Variants in LMNTD1 observed in about 807,000 individuals in gnomAD.
The protein encoded by LMNTD1 is lamin tail domain-containing protein 1.
In LMNTD1, 35 loss-of-function variants were observed where a neutral mutation model predicts 50.9. The ratio of observed to expected loss-of-function variants is 0.69; its 90% CI spans 0.53 to 0.91. The LOEUF is 0.91. Ranked by LOEUF, LMNTD1 falls within the 40% of genes least tolerant of loss-of-function variation. The pLI is 0.00. For synonymous variants in LMNTD1, 153 were observed against 161.9 expected (o/e 0.94, Z 0.42); for missense variants, 470 against 475.5 (o/e 0.99, Z 0.11).
intron 7 of LMNTD1, among the ~76,000 whole-genome samples, chr12:25,519,587 C>CAAAAAAAAAAA (rs58304861): frequency 0.044 from 4,092 of 93,710 alleles, 263 homozygotes; most frequent in East Asian, 0.075. Context: ...GACTCTGTCT[C>CAAAAAAAAAAA]AAAAAAAAAA....
chr12:25,592,205 G>A (rs1256693363), intron 1 of LMNTD1, among the ~76,000 whole-genome samples: 2 of 152,168 alleles, frequency 1.3e-5, no homozygotes, highest in Non-Finnish European at 2.9e-5. Flanking sequence ...GAGGATCATG[G>A]TGGACAGGAG....
intron 1 of LMNTD1, among the ~76,000 whole-genome samples, chr12:25,604,647 C>T (rs1946055649): frequency 2.6e-5 from 4 of 152,222 alleles, no homozygotes; most frequent in East Asian, 3.9e-4. Flanking sequence ...TGGTTTCCAG[C>T]TTCATCCATG....
chr12:25,525,438 T>G (rs1054818573), intron 6 of LMNTD1, among the ~76,000 whole-genome samples: 3 of 152,138 alleles, frequency 2.0e-5, no homozygotes, highest in Non-Finnish European at 2.9e-5. Context: ...TCAATAAATA[T>G]TTGAGAAATG....
At chr12:25,525,889 C>A (rs1346866908) in intron 6 of LMNTD1, among the ~76,000 whole-genome samples, 2 of 151,954 alleles carry the variant, frequency 1.3e-5, no homozygotes, top group African/African-American at 4.8e-5. Flanking sequence ...AACCAAACAC[C>A]ACATGCTCCC....
intron 1 of LMNTD1, among the ~76,000 whole-genome samples, chr12:25,570,878 G>T (rs1057131408): frequency 1.3e-5 from 2 of 152,196 alleles, no homozygotes; most frequent in African/African-American, 4.8e-5. Flanking sequence ...TTATGGGAAA[G>T]GTCCTCTTTG....
intron 1 of LMNTD1, among the ~76,000 whole-genome samples, chr12:25,589,946 G>A (rs1156578006): frequency 6.6e-6 from 1 of 152,108 alleles, no homozygotes; most frequent in Non-Finnish European, 1.5e-5. Context: ...CAGGGAGTTG[G>A]CACATTTGTG....
intron 4 of LMNTD1, among the ~76,000 whole-genome samples, chr12:25,545,140 T>G (rs757508730): frequency 9.9e-5 from 15 of 151,894 alleles, no homozygotes; most frequent in Admixed American, 5.9e-4. Flanking sequence ...TAGCATTTCT[T>G]ATAAGATAGG....
At chr12:25,574,523 G>A (rs1944921947) in intron 1 of LMNTD1, among the ~76,000 whole-genome samples, 1 of 152,122 alleles carries the variant, frequency 6.6e-6, no homozygotes, top group African/African-American at 2.4e-5. Flanking sequence ...TAAGGCACTT[G>A]AAATATAATT....
intron 9 of LMNTD1, among the ~76,000 whole-genome samples, chr12:25,476,726 T>C (rs757604171): frequency 1.3e-5 from 2 of 152,190 alleles, no homozygotes; most frequent in Non-Finnish European, 2.9e-5. Flanking sequence ...AGTTTTGACC[T>C]TGACTTCTAG....
At chr12:25,577,091 G>A (rs1592056585) in intron 1 of LMNTD1, among the ~76,000 whole-genome samples, 2 of 152,168 alleles carry the variant, frequency 1.3e-5, no homozygotes. Flanking sequence ...TTTGGTTACT[G>A]TAGCCTTGTA....
exon 1 of LMNTD1, chr12:25,648,539 C>T: frequency 6.4e-7 from 1 of 1,551,690 alleles, no homozygotes; most frequent in Non-Finnish European, 8.7e-7. Flanking sequence ...CCTGCTCTCA[C>T]TGGCTGTTGC....
intron 1 of LMNTD1, among the ~76,000 whole-genome samples, chr12:25,583,453 C>G (rs1945393709): frequency 6.6e-6 from 1 of 152,114 alleles, no homozygotes; most frequent in Non-Finnish European, 1.5e-5. Flanking sequence ...TACCAGGCAA[C>G]CACACCTGGC....
chr12:25,481,407 T>C (rs1171856627), intron 9 of LMNTD1, among the ~76,000 whole-genome samples: 1 of 152,064 alleles, frequency 6.6e-6, no homozygotes, highest in Non-Finnish European at 1.5e-5. Context: ...ACAGAGAACA[T>C]AGCAGGCAAG....
intron 4 of LMNTD1, among the ~76,000 whole-genome samples, chr12:25,543,409 C>G (rs1349570904): frequency 6.6e-6 from 1 of 151,880 alleles, no homozygotes; most frequent in South Asian, 2.1e-4. Context: ...TATAGTAAAA[C>G]ATAAACATTA....
At chr12:25,581,639 A>G (rs746562602) in intron 1 of LMNTD1, among the ~76,000 whole-genome samples, 1 of 152,254 alleles carries the variant, frequency 6.6e-6, no homozygotes, top group Non-Finnish European at 1.5e-5. Context: ...GAAAATATAC[A>G]GTTGTGTGTT....
intron 9 of LMNTD1, among the ~76,000 whole-genome samples, chr12:25,478,473 A>T (rs1938342569): frequency 6.6e-6 from 1 of 152,226 alleles, no homozygotes; most frequent in Non-Finnish European, 1.5e-5. Context: ...TTTTCTTAGT[A>T]CAAGTGTATA....
At chr12:25,606,451 T>C (rs1946105758) in intron 1 of LMNTD1, among the ~76,000 whole-genome samples, 1 of 152,228 alleles carries the variant, frequency 6.6e-6, no homozygotes, top group Non-Finnish European at 1.5e-5. Context: ...CCATTCAGTA[T>C]GATATTGGCT....
chr12:25,637,403 C>A (rs1184292537), intron 1 of LMNTD1, among the ~76,000 whole-genome samples: 2 of 151,808 alleles, frequency 1.3e-5, no homozygotes, highest in African/African-American at 2.4e-5. Context: ...TAGAGAATAC[C>A]CATTAAGAAA....
chr12:25,619,217 A>ACTCTCT lies in LMNTD1; in HGVS notation c.58+29271_58+29276dup, dbSNP rs143233739. ...CTGGGTAAGGGATACATGCTTTTCA[A>ACTCTCT]CTCTCTCTCTCTCTCTCTCTCTCTC... On this transcript the variant is annotated intron_variant, in intron 1 of 7. Transcript: ENST00000445693. Among the ~76,000 whole-genome samples the ACTCTCT allele has an allele frequency of 6.1e-4, 73 of 120,052 alleles. 1 individual carries two copies. The highest frequency in any genetic ancestry group is 1.7e-3 in the Admixed American group (19 of 11,170). The allele number at this position is 120,052 out of a possible 152,430, so 78.8% of individuals were successfully genotyped here.
Sources: allele counts gnomAD v4.1 joint callset (sites outside exome capture counted in the v4.1 genomes callset), GRCh38; gene constraint gnomAD v4.1.1; transcripts MANE v1.5; gene names NCBI Gene and HGNC (gene_info 2026-07-23, HGNC 2026-07-21).